Variants in CACNA1C observed in about 807,000 individuals in gnomAD.
CACNA1C encodes the protein voltage-dependent L-type calcium channel subunit alpha-1C.
In CACNA1C, 30 loss-of-function variants were observed where a neutral mutation model predicts 229.0. The ratio of observed to expected loss-of-function variants is 0.13; its 90% CI spans 0.10 to 0.18. The LOEUF is 0.18. Ranked by LOEUF, CACNA1C falls within the 10% of genes least tolerant of loss-of-function variation. The probability of loss-of-function intolerance (pLI) is 1.00; values close to 1 mark genes in which losing one functional copy is unlikely to be tolerated. For missense variants in CACNA1C, 1,658 were observed against 2,845.0 expected, an observed-to-expected ratio of 0.58 and a Z score of 9.49; for synonymous variants, 1,114 against 1,132.5, an observed-to-expected ratio of 0.98 and a Z score of 0.33.
intron 9 of CACNA1C, among the ~76,000 whole-genome samples, chr12:2,532,119 G>A (rs796456475): frequency 2.6e-5 from 4 of 152,300 alleles, no homozygotes; most frequent in African/African-American, 7.2e-5. Context: ...CTGTCACTGC[G>A]CTCCCTCCTG....
intron 3 of CACNA1C, among the ~76,000 whole-genome samples, chr12:2,381,162 G>T (rs1170239177): frequency 6.6e-6 from 1 of 152,192 alleles, no homozygotes; most frequent in Non-Finnish European, 1.5e-5. Flanking sequence ...TGTCATCTCT[G>T]AATGGAGGAA....
At chr12:2,305,341 G>A (rs2094927172) in intron 3 of CACNA1C, among the ~76,000 whole-genome samples, 1 of 152,224 alleles carries the variant, frequency 6.6e-6, no homozygotes, top group South Asian at 2.1e-4. Context: ...TTAGGACAAA[G>A]CAAAGTTTAT....
chr12:2,472,612 A>C lies in CACNA1C; in HGVS notation c.758-13492A>C, dbSNP rs925491608. The stretch of plus-strand genomic sequence containing the variant: ...TGTAGCACTCTCTCTATATATATAT[A>C]TCTCTCTACACACCCACATATATAT... On this transcript the variant is annotated intron_variant, in intron 5 of 46. Coordinates refer to ENST00000399655, the MANE Select transcript of CACNA1C (RefSeq NM_000719.7). Among the ~76,000 whole-genome samples the C allele has an allele frequency of 1.6e-4, 25 of 152,142 alleles. No homozygotes were observed. In the East Asian group the frequency reaches 1.9e-3, roughly 12 times the overall value.
intron 3 of CACNA1C, among the ~76,000 whole-genome samples, chr12:2,281,244 GC>G (rs1417814145): frequency 6.6e-6 from 1 of 152,032 alleles, no homozygotes; most frequent in Admixed American, 6.5e-5. Flanking sequence ...TGCCGTTGCT[GC>G]CATACATGCT....
rs116008155 is a variant in CACNA1C at position 2,348,463 on chromosome 12, A to T, written c.478-100513A>T. On this transcript the variant is annotated intron_variant, in intron 3 of 46. Transcript: ENST00000399655. This position sits in a 1 kb window ranked among gnomAD's most constrained non-coding sequence, Gnocchi z 4.7. Reference sequence around the variant, plus strand: ...AGAACCCCCTTTCCCGTTGGCGTGTATGGTGTCTTCTCGCTGAGCCACAGC... The same window carrying T: ...AGAACCCCCTTTCCCGTTGGCGTGTTTGGTGTCTTCTCGCTGAGCCACAGC... Among the ~76,000 whole-genome samples the T allele has an allele frequency of 6.6e-6, 1 of 152,190 alleles. No individual in the cohort carries two copies. Among genetic ancestry groups the T allele is most frequent in the Non-Finnish European group, 1.5e-5 (1 of 68,034 alleles).
chr12:2,458,056 G>C (rs1451982633), intron 5 of CACNA1C, among the ~76,000 whole-genome samples: 2 of 152,136 alleles, frequency 1.3e-5, no homozygotes, highest in African/African-American at 4.8e-5. Flanking sequence ...AATCTCCGAG[G>C]CTCCAGAGCA....
At chr12:2,406,428 C>T (rs2098738038) in intron 3 of CACNA1C, among the ~76,000 whole-genome samples, 1 of 152,210 alleles carries the variant, frequency 6.6e-6, no homozygotes, top group African/African-American at 2.4e-5. Context: ...GGCCACCCAA[C>T]TCTGCTCACT....
chr12:2,179,016 T>G (rs2096752017), intron 3 of CACNA1C, among the ~76,000 whole-genome samples: 1 of 152,196 alleles, frequency 6.6e-6, no homozygotes, highest in African/African-American at 2.4e-5. Context: ...GAGCCGTGAT[T>G]GCACCACTGC....
At chr12:2,402,693 C>T (rs2098693211) in intron 3 of CACNA1C, among the ~76,000 whole-genome samples, 1 of 152,188 alleles carries the variant, frequency 6.6e-6, no homozygotes, top group Non-Finnish European at 1.5e-5. Context: ...AATCTACTAG[C>T]AATAGCCTTG....
rs570363178 is a variant in CACNA1C, at chr12:2,685,663, G to A, written c.5574-73G>A. 131 of 1,104,110 alleles carry A rather than the reference G, an allele frequency of 1.2e-4. No individual in the cohort carries two copies. The East Asian group carries it at 2.0e-3, about 17-fold the overall frequency. 68.4% of individuals were successfully genotyped at this position (1,104,110 alleles called of 1,614,324 possible). On this transcript the variant is annotated intron_variant, in intron 43 of 46. Transcript: ENST00000399655. The stretch of plus-strand genomic sequence containing the variant: ...TAAGGATCAGAGCAAAGTGCTTTCC[G>A]GGGGTGCAGCTGTCCCTGTGGGTGG...
intron 3 of CACNA1C, among the ~76,000 whole-genome samples, chr12:2,340,010 A>G (rs985322803): frequency 6.6e-6 from 1 of 152,228 alleles, no homozygotes; most frequent in Non-Finnish European, 1.5e-5. Flanking sequence ...TTTAAAAACT[A>G]TATGTAATGA....
At chr12:2,045,264 G>A (rs1272259278) in intron 1 of CACNA1C, among the ~76,000 whole-genome samples, 2 of 152,258 alleles carry the variant, frequency 1.3e-5, no homozygotes, top group Admixed American at 6.5e-5. Context: ...AGAAGAGGAA[G>A]GTTCTGAAAG....
chr12:2,207,776 G>A (rs1022122022), intron 3 of CACNA1C, among the ~76,000 whole-genome samples: 3 of 152,206 alleles, frequency 2.0e-5, no homozygotes, highest in East Asian at 3.9e-4. Flanking sequence ...AGTTGAGATC[G>A]TGCCACTGTA....
intron 3 of CACNA1C, among the ~76,000 whole-genome samples, chr12:2,399,103 G>A (rs1192189771): frequency 6.6e-6 from 1 of 152,170 alleles, no homozygotes; most frequent in Non-Finnish European, 1.5e-5. Context: ...TTTGTGGGAA[G>A]GGGAGCATGC....
At position 2,691,245 on chromosome 12, in the gene CACNA1C, C is replaced by G. The variant is rs2097785147; in HGVS notation, c.*46C>G. The G allele has an allele frequency of 1.3e-6, 2 of 1,485,274 alleles. No individual in the cohort carries two copies. Among genetic ancestry groups the G allele is most frequent in the Non-Finnish European group, 1.8e-6 (2 of 1,115,934 alleles). The allele number at this position is 1,485,274 out of a possible 1,614,324, so 92.0% of individuals were successfully genotyped here. A position where few individuals can be genotyped will look rare whatever the true frequency, so the allele number is the denominator to read the frequency against. On this transcript the variant is annotated 3_prime_UTR_variant, in exon 47 of 47. Coordinates refer to ENST00000399655, the MANE Select transcript of CACNA1C (RefSeq NM_000719.7). ...CTTTTTTTTATTTGTTTCAATGTTC[C>G]TAATGGGTTCGTTTCAGAAGTGCCT... is the stretch of plus-strand genomic sequence containing the variant.
At chr12:2,586,396 G>A (rs2062476592) in intron 18 of CACNA1C, among the ~76,000 whole-genome samples, 1 of 152,098 alleles carries the variant, frequency 6.6e-6, no homozygotes, top group African/African-American at 2.4e-5. Flanking sequence ...CGCGCTTACT[G>A]ACTCCATCTT....
intron 38 of CACNA1C, among the ~76,000 whole-genome samples, chr12:2,670,483 A>G (rs1483357473): frequency 6.6e-6 from 1 of 152,222 alleles, no homozygotes; most frequent in East Asian, 1.9e-4. Context: ...TCCTTCAAAA[A>G]CAATAACAGA....
chr12:2,246,154 A>G (rs1233261755), intron 3 of CACNA1C, among the ~76,000 whole-genome samples: 1 of 152,200 alleles, frequency 6.6e-6, no homozygotes, highest in Non-Finnish European at 1.5e-5. Context: ...TGGTGCCGGC[A>G]GCAAACAGCA....
chr12:2,592,836 G>A (rs1021072914), intron 18 of CACNA1C, among the ~76,000 whole-genome samples: 2 of 151,728 alleles, frequency 1.3e-5, no homozygotes, highest in Non-Finnish European at 2.9e-5. Context: ...CCCAACCTGC[G>A]GCCTAGATAG....
Sources: gnomAD v4.1 joint callset for allele counts (sites outside exome capture counted in the v4.1 genomes callset) on GRCh38, gnomAD v4.1.1 for gene constraint, Gnocchi (gnomAD v3.1) non-coding constraint, MANE v1.5 for transcripts, NCBI Gene and HGNC (gene_info 2026-07-23, HGNC 2026-07-21) for gene names.